GOLGA3: variants seen among roughly 807,000 people sequenced by gnomAD.
GOLGA3 encodes the protein golgin A3.
Under a neutral mutation model 169.4 loss-of-function variants are expected in GOLGA3, and 75 were observed. The observed-to-expected ratio is 0.44, with a 90% CI of 0.37 to 0.54. GOLGA3 has a LOEUF of 0.54. Ranked by LOEUF, GOLGA3 falls within the 20% of genes least tolerant of loss-of-function variation. The pLI is 0.00. For synonymous variants in GOLGA3, 824 were observed against 822.4 expected, an observed-to-expected ratio of 1.00 and a Z score of -0.03; for missense variants, 1,899 against 1,930.0, an observed-to-expected ratio of 0.98 and a Z score of 0.30.
intron 4 of GOLGA3, chr12:132,811,837 T>C (rs61952767): frequency 0.14 from 136,966 of 955,506 alleles, 10,650 homozygotes; most frequent in South Asian, 0.17. Context: ...CTTCTTCTAC[T>C]GAAGAGATCC....
chr12:132,822,815 G>A (rs192110662), intron 1 of GOLGA3, among the ~76,000 whole-genome samples: 6 of 152,212 alleles, frequency 3.9e-5, no homozygotes, highest in Admixed American at 1.3e-4. Flanking sequence ...CCAGCTACTC[G>A]GGAGGCTGAG....
In GOLGA3 at chr12:132,771,332, CA is replaced by C. The variant is rs1469915841; in HGVS notation, c.*1772del. 6.6e-6 allele frequency: 1 copy of C among 152,602 alleles called. No individual in the cohort carries two copies. Among genetic ancestry groups the C allele is most frequent in the Non-Finnish European group, 1.5e-5 (1 of 68,048 alleles). 9.5% of individuals were successfully genotyped at this position (152,602 alleles called of 1,614,324 possible). ...AGCACATCTGGCCTGGCCAGTGACT[CA>C]GAACCTCATTTCAGACCAGTACATC... is the stretch of plus-strand genomic sequence containing the variant. On this transcript the variant is annotated 3_prime_UTR_variant, in exon 24 of 24. Transcript: ENST00000450791.
chr12:132,781,139 C>G lies in GOLGA3; in HGVS notation c.3466-225G>C, dbSNP rs574071384. On this transcript the variant is annotated intron_variant, in intron 17 of 23. Transcript: ENST00000450791. The stretch of plus-strand genomic sequence containing the variant: ...TGGCACGCCTGTGGGCCCCACGGCT[C>G]CAGAGGCCAGGGCAGGAGGATCGCT... Among the ~76,000 whole-genome samples the G allele has an allele frequency of 3.9e-5, 6 of 152,284 alleles. No individual in the cohort carries two copies. The East Asian group carries it at 1.2e-3, about 29-fold the overall frequency.
chr12:132,770,015 C>T lies in GOLGA3; in HGVS notation c.*3090G>A, dbSNP rs1292815234. 6.6e-6 allele frequency: 1 copy of T among 152,120 alleles called. No homozygotes were observed. The highest frequency in any genetic ancestry group is 1.5e-5 in the Non-Finnish European group (1 of 68,028). 9.4% of individuals were successfully genotyped at this position (152,120 alleles called of 1,614,324 possible). The stretch of plus-strand genomic sequence containing the variant: ...TTTGGGAGGCTGAGGCTCAGGATCA[C>T]CTGAGGTCAAGAGTTCAAGACCAGC... On this transcript the variant is annotated 3_prime_UTR_variant, in exon 24 of 24. Coordinates refer to ENST00000450791, the MANE Select transcript of GOLGA3 (RefSeq NM_001389683.1).
chr12:132,807,382 T>C, intron 5 of GOLGA3, 94 bp from the exon 6 acceptor site: 1 of 624,902 alleles, frequency 1.6e-6, no homozygotes, highest in Non-Finnish European at 2.7e-6. Flanking sequence ...CCCCTGCTGC[T>C]CTCTCCCAAT....
chr12:132,823,718 C>T (rs138175735), intron 1 of GOLGA3, among the ~76,000 whole-genome samples: 4,315 of 151,458 alleles, frequency 0.028, 82 homozygotes, highest in Non-Finnish European at 0.046. Flanking sequence ...ACCTGGGAGG[C>T]GGAGGTTGCA....
chr12:132,819,662 G>A (rs765420351), intron 2 of GOLGA3, among the ~76,000 whole-genome samples: 4 of 152,214 alleles, frequency 2.6e-5, no homozygotes, highest in Admixed American at 6.5e-5. Flanking sequence ...ACGGGCACCC[G>A]ACCAACGCAC....
In GOLGA3 at chr12:132,769,398, G is replaced by A. The variant is rs1270584771; in HGVS notation, c.*3707C>T. ...TCGGTTGTGGGAACCCTGCACCAAG[G>A]AGAGTTGAGGGCCAGCTCCTTAGCG... On this transcript the variant is annotated 3_prime_UTR_variant, in exon 24 of 24. Coordinates refer to ENST00000450791, the MANE Select transcript of GOLGA3 (RefSeq NM_001389683.1). 3 of 152,260 alleles carry A rather than the reference G, an allele frequency of 2.0e-5. No homozygotes were observed. Among genetic ancestry groups the A allele is most frequent in the Non-Finnish European group, 4.4e-5 (3 of 68,064 alleles). The allele number at this position is 152,260 out of a possible 1,614,324, so 9.4% of individuals were successfully genotyped here. A position where few individuals can be genotyped will look rare whatever the true frequency, so the allele number is the denominator to read the frequency against.
Position 132,780,220 on chromosome 12 carries a change from ACCC to A in GOLGA3, c.3582+575_3582+577del, listed in dbSNP as rs535776944. ...ACACCCCAGGCACACGTGCACGCAC[ACCC>A]CCCATGTGCACACACACGGCAAGCG... On this transcript the variant is annotated intron_variant, in intron 18 of 23. Coordinates refer to ENST00000450791, the MANE Select transcript of GOLGA3 (RefSeq NM_001389683.1). Among the ~76,000 whole-genome samples, 212 of 151,796 alleles carry A rather than the reference ACCC, an allele frequency of 1.4e-3. 1 individual carries two copies. In the Middle Eastern group the frequency reaches 0.017, roughly 12 times the overall value.
intron 13 of GOLGA3, 87 bp downstream of exon 13, chr12:132,788,940 C>CCCCGCCCCAGACACAGGA: frequency 6.8e-6 from 5 of 731,440 alleles, no homozygotes; most frequent in Admixed American, 6.5e-5. Context: ...CAGACACAGG[C>CCCCGCCCCAGACACAGGA]CCCGCCCCAG....
intron 8 of GOLGA3, among the ~76,000 whole-genome samples, chr12:132,801,372 G>C (rs1949119358): frequency 6.6e-6 from 1 of 152,194 alleles, no homozygotes; most frequent in Admixed American, 6.5e-5. Context: ...GCAGAGTGGG[G>C]AGGCTGAGGT....
At chr12:132,811,011 C>CCT (rs950625184) in intron 4 of GOLGA3, among the ~76,000 whole-genome samples, 1 of 152,096 alleles carries the variant, frequency 6.6e-6, no homozygotes, top group African/African-American at 2.4e-5. Context: ...TCTCTCTCTC[C>CCT]CTCTCTCTCT....
At position 132,777,534 on chromosome 12, in the gene GOLGA3, C is replaced by T. The variant is rs755453575; in HGVS notation, c.3722+132G>A. 19 of 961,882 alleles carry T rather than the reference C, an allele frequency of 2.0e-5. No individual in the cohort carries two copies. The highest frequency in any genetic ancestry group is 3.3e-5 in the African/African-American group (2 of 61,454). 59.6% of individuals were successfully genotyped at this position (961,882 alleles called of 1,614,324 possible). A position where few individuals can be genotyped will look rare whatever the true frequency, so the allele number is the denominator to read the frequency against. ...GGAGACGGAGGCTGGGTGCCTTCTA[C>T]TCCTATGATTCACTCAAGTACTCGG... On this transcript the variant is annotated intron_variant, in intron 19 of 23. Transcript: ENST00000450791. The surrounding 1 kb of genome is among the most constrained non-coding windows in gnomAD (Gnocchi z 4.7).
Position 132,821,591 on chromosome 12 carries a change from C to T in GOLGA3, c.133+405G>A, listed in dbSNP as rs1305313504. Reference sequence around the variant, plus strand: ...TTGGGCCGGGCACAGTGGCTCACACCTGTAATCCCAGCACTTTGAGGCTGA... The same window carrying T: ...TTGGGCCGGGCACAGTGGCTCACACTTGTAATCCCAGCACTTTGAGGCTGA... On this transcript the variant is annotated intron_variant, in intron 2 of 23. Coordinates refer to ENST00000450791, the MANE Select transcript of GOLGA3 (RefSeq NM_001389683.1). Among the ~76,000 whole-genome samples, 2 of 152,126 alleles carry T rather than the reference C, an allele frequency of 1.3e-5. 1 individual carries two copies. Among genetic ancestry groups the T allele is most frequent in the East Asian group, 3.9e-4 (2 of 5,186 alleles).
Position 132,790,194 on chromosome 12 carries a change from C to T in GOLGA3, c.2548-904G>A, listed in dbSNP as rs544154885. On this transcript the variant is annotated intron_variant, in intron 12 of 23. Coordinates refer to ENST00000450791, the MANE Select transcript of GOLGA3 (RefSeq NM_001389683.1). ...AAAATGCAAAAAAAAATTAGTCGGG[C>T]GTGGTGGCCGGTGCCTGTAGTCCCA... is the stretch of plus-strand genomic sequence containing the variant. 4.4e-4 allele frequency among the ~76,000 whole-genome samples: 67 copies of T among 152,086 alleles called. 1 individual carries two copies. In the South Asian group the frequency reaches 0.011, roughly 26 times the overall value.
intron 6 of GOLGA3, among the ~76,000 whole-genome samples, chr12:132,805,296 G>A (rs1949340687): frequency 9.5e-6 from 1 of 105,534 alleles, no homozygotes; most frequent in Non-Finnish European, 1.9e-5. Flanking sequence ...AGAGGACCCT[G>A]CCCCGAGACC....
chr12:132,817,470 G>C (rs370725651), intron 2 of GOLGA3, among the ~76,000 whole-genome samples: 6 of 39,414 alleles, frequency 1.5e-4, no homozygotes, highest in African/African-American at 3.7e-4. Flanking sequence ...CACGCTCTAA[G>C]GTGAACCCGC....
intron 4 of GOLGA3, 108 bp from the exon 5 acceptor site, chr12:132,808,657 C>G: frequency 1.2e-6 from 1 of 842,992 alleles, no homozygotes; most frequent in Non-Finnish European, 1.9e-6. Flanking sequence ...CCGCTGACAA[C>G]CAGAGAGCAC....
Position 132,791,248 on chromosome 12 carries a change from G to T in GOLGA3, c.2515C>A (p.Gln839Lys). ...TGGAGAAACTGTTCCTTTATTTTTT[G>T]CATTTGCTTTTTCAGAGCAGCAGTC... The part of the protein sequence containing the change: ...QETAALKKQM[Q>K]KIKEQFLQQK... Residue 839 changes from glutamine (Q) to lysine (K), a missense_variant, in exon 12 of 24, where the codon CAA becomes AAA. By Grantham distance (53) the Gln-to-Lys change is moderately conservative. Coordinates refer to ENST00000450791, the MANE Select transcript of GOLGA3 (RefSeq NM_001389683.1). 6.2e-7 allele frequency: 1 copy of T among 1,607,032 alleles called. No homozygotes were observed. Among genetic ancestry groups the T allele is most frequent in the Non-Finnish European group, 8.5e-7 (1 of 1,174,900 alleles).
Sources: gnomAD v4.1 joint callset for allele counts (sites outside exome capture counted in the v4.1 genomes callset) on GRCh38, gnomAD v4.1.1 for gene constraint, Gnocchi (gnomAD v3.1) non-coding constraint, MANE v1.5 for transcripts, NCBI Gene and HGNC (gene_info 2026-07-23, HGNC 2026-07-21) for gene names.